Variants in IFT43 observed in about 807,000 individuals in gnomAD.
The protein encoded by IFT43 is intraflagellar transport 43, also known as intraflagellar transport protein 43 homolog.
Under a neutral mutation model 32.3 loss-of-function variants are expected in IFT43, and 33 were observed. That is an observed-to-expected ratio of 1.02 (90% CI 0.77 to 1.37). IFT43 has a LOEUF of 1.37. Ranked by LOEUF, IFT43 falls within the 40% of genes most tolerant of loss-of-function variation. The pLI is 0.00. For synonymous variants in IFT43, 93 were observed against 98.2 expected (o/e 0.95, Z 0.31); for missense variants, 274 against 265.9 (o/e 1.03, Z -0.21).
chr14:76,046,518 A>C (rs1263033580), intron 3 of IFT43, among the ~76,000 whole-genome samples: 1 of 152,100 alleles, frequency 6.6e-6, no homozygotes, highest in African/African-American at 2.4e-5. Context: ...CAGGGTGGGG[A>C]TCAGTTACAG....
rs116988386 is a variant in IFT43, at chr14:75,992,589, A to C, written c.147+3612A>C. Among the ~76,000 whole-genome samples the C allele has an allele frequency of 1.2e-3, 176 of 152,228 alleles. 1 individual carries two copies. The highest frequency in any genetic ancestry group is 9.7e-3 in the East Asian group (50 of 5,178). ...GAGGCAGGGTCTTGCTCTGTCTCCC[A>C]GGCTGGAATGCAGTGGCATGATAAT... On this transcript the variant is annotated intron_variant, in intron 2 of 8. Transcript: ENST00000314067.
chr14:76,075,928 G>T (rs1175351640), intron 5 of IFT43, among the ~76,000 whole-genome samples: 1 of 152,214 alleles, frequency 6.6e-6, no homozygotes, highest in Admixed American at 6.5e-5. Context: ...AAAAACACGG[G>T]CATTGTTTTC....
At chr14:76,028,122 T>C (rs1051836858) in intron 3 of IFT43, among the ~76,000 whole-genome samples, 3 of 152,308 alleles carry the variant, frequency 2.0e-5, no homozygotes, top group African/African-American at 7.2e-5. Context: ...GCATGTGACA[T>C]CAGCTGATCC....
At chr14:76,005,742 T>G (rs149160732) in intron 2 of IFT43, among the ~76,000 whole-genome samples, 2,057 of 152,326 alleles carry the variant, frequency 0.014, 52 homozygotes, top group African/African-American at 0.043. Flanking sequence ...CACACTCAGA[T>G]AATCTATTTG....
intron 2 of IFT43, among the ~76,000 whole-genome samples, chr14:75,994,765 T>C (rs2139875873): frequency 6.6e-6 from 1 of 152,360 alleles, no homozygotes; most frequent in Non-Finnish European, 1.5e-5. Context: ...TATAGCTTTC[T>C]CTAGGGAGGA....
chr14:76,012,555 G>A (rs191558967), intron 2 of IFT43, among the ~76,000 whole-genome samples: 43 of 152,246 alleles, frequency 2.8e-4, no homozygotes, highest in African/African-American at 9.9e-4. Context: ...GTTTATTTTT[G>A]GAGAGAACAC....
chr14:76,027,333 A>ACCCC (rs56836132), intron 3 of IFT43, among the ~76,000 whole-genome samples: 45 of 124,478 alleles, frequency 3.6e-4, no homozygotes, highest in Non-Finnish European at 6.1e-4. Flanking sequence ...CTTCCCCAAC[A>ACCCC]CCCCCCACAC....
chr14:76,004,224 C>T (rs141649618), intron 2 of IFT43, among the ~76,000 whole-genome samples: 8 of 152,316 alleles, frequency 5.3e-5, no homozygotes, highest in African/African-American at 1.7e-4. Context: ...TCTGGTAGCA[C>T]AGATTTGCCA....
At chr14:76,042,127 C>CAT (rs397801864) in intron 3 of IFT43, among the ~76,000 whole-genome samples, 1,765 of 151,924 alleles carry the variant, frequency 0.012, 11 homozygotes, top group Non-Finnish European at 0.018. Flanking sequence ...CACACACACA[C>CAT]GTACACACAT....
At chr14:76,075,884 T>G (rs989452560) in intron 5 of IFT43, among the ~76,000 whole-genome samples, 8 of 152,208 alleles carry the variant, frequency 5.3e-5, no homozygotes, top group African/African-American at 1.7e-4. Flanking sequence ...AGAGAAAAAT[T>G]ATAATGATCT....
intron 3 of IFT43, among the ~76,000 whole-genome samples, chr14:76,046,917 C>G (rs2036817863): frequency 6.6e-6 from 1 of 152,182 alleles, no homozygotes; most frequent in Non-Finnish European, 1.5e-5. Context: ...TCTCACAGTT[C>G]TGGAGTCTGG....
At chr14:76,027,340 A>C (rs79913475) in intron 3 of IFT43, among the ~76,000 whole-genome samples, 4,040 of 37,862 alleles carry the variant, frequency 0.11, 100 homozygotes, top group African/African-American at 0.2. Context: ...AACACCCCCC[A>C]CACACACACT....
At chr14:76,055,081 A>T (rs1003773012) in intron 3 of IFT43, among the ~76,000 whole-genome samples, 1 of 152,224 alleles carries the variant, frequency 6.6e-6, no homozygotes, top group Non-Finnish European at 1.5e-5. Context: ...ACAGTGGCCC[A>T]TGCCTGAATC....
chr14:76,007,534 T>C (rs1243993631), intron 2 of IFT43, among the ~76,000 whole-genome samples: 1 of 152,154 alleles, frequency 6.6e-6, no homozygotes, highest in Non-Finnish European at 1.5e-5. Flanking sequence ...CTGGCTTTGG[T>C]TGAGGTAGCA....
chr14:75,999,281 A>ATTTTT (rs371670856), intron 2 of IFT43, among the ~76,000 whole-genome samples: 21 of 39,054 alleles, frequency 5.4e-4, no homozygotes, highest in East Asian at 3.2e-3. Context: ...ATGTATATAT[A>ATTTTT]TTTTTTTTTT....
rs147334496 is a variant in IFT43, at chr14:76,054,005, A to T, written c.216-4637A>T. Among the ~76,000 whole-genome samples the T allele has an allele frequency of 1.9e-4, 29 of 152,336 alleles. No individual in the cohort carries two copies. In the East Asian group the frequency reaches 5.4e-3, roughly 28 times the overall value. ...CTTTAGGTCAAGTCCATGTTCATTAATGCTTCCGTTAGAAGAAAGTCGGCA... is the reference window on the plus strand; with the variant it reads ...CTTTAGGTCAAGTCCATGTTCATTATTGCTTCCGTTAGAAGAAAGTCGGCA... On this transcript the variant is annotated intron_variant, in intron 3 of 8. Transcript: ENST00000314067.
intron 3 of IFT43, among the ~76,000 whole-genome samples, chr14:76,027,755 A>C (rs1231099563): frequency 1.1e-4 from 16 of 151,862 alleles, no homozygotes; most frequent in Admixed American, 1.0e-3. Context: ...GTATCACAGT[A>C]TCACTCAGTC....
chr14:75,997,956 AC>A (rs1422052285), intron 2 of IFT43, among the ~76,000 whole-genome samples: 3 of 152,136 alleles, frequency 2.0e-5, no homozygotes, highest in Admixed American at 6.5e-5. Flanking sequence ...AGATAAAAAA[AC>A]AAAACAAAAC....
intron 5 of IFT43, among the ~76,000 whole-genome samples, chr14:76,070,356 ACT>A (rs2037299636): frequency 1.3e-5 from 2 of 152,282 alleles, no homozygotes; most frequent in South Asian, 2.1e-4. Flanking sequence ...CAGCAGAGTC[ACT>A]CTGAGCTGAA....
Sources: allele counts gnomAD v4.1 joint callset (sites outside exome capture counted in the v4.1 genomes callset), GRCh38; gene constraint gnomAD v4.1.1; transcripts MANE v1.5; gene names NCBI Gene and HGNC (gene_info 2026-07-23, HGNC 2026-07-21).